LPIN2: variants seen among roughly 807,000 people sequenced by gnomAD.
The protein encoded by LPIN2 is lipin 2, also known as phosphatidate phosphatase LPIN2.
In LPIN2, 55 loss-of-function variants were observed where a neutral mutation model predicts 111.4. That is an observed-to-expected ratio of 0.49 (90% confidence interval 0.40 to 0.62). The LOEUF is 0.62. LPIN2 is among the 20% of genes least tolerant of loss of function. The pLI, the probability that LPIN2 is intolerant of heterozygous loss-of-function variation, is 0.00. For missense variants in LPIN2, 992 were observed against 1,112.1 expected (o/e 0.89, Z 1.54); for synonymous variants, 425 against 414.0 (o/e 1.03, Z -0.32).
rs1460831101 is a variant in LPIN2 at position 2,923,776 on chromosome 18, C to T, written c.2173G>A (p.Glu725Lys). The change falls in exon 16 of 20, where the codon GAG (glutamate) becomes AAG (lysine). Residue 725 changes from glutamate (E) to lysine (K), a missense_variant and splice_region_variant. Physicochemically the swap from Glu to Lys is moderately conservative, Grantham distance 56. Transcript: ENST00000677752. The part of the protein sequence containing the change: ...GIAKLYHSIN[E>K]NGYKFLYCSA... The stretch of plus-strand genomic sequence containing the variant: ...AGTTAACGTGGGGAGGGTACCTACT[C>T]ATTGATGGAATGGTAGAGCTTTGCT... 1 of 1,613,458 alleles carries T rather than the reference C, an allele frequency of 6.2e-7. No homozygotes were observed. Among genetic ancestry groups the T allele is most frequent in the South Asian group, 1.1e-5 (1 of 91,064 alleles).
chr18:2,989,221 G>A (rs1056939183), intron 1 of LPIN2, among the ~76,000 whole-genome samples: 10 of 152,074 alleles, frequency 6.6e-5, no homozygotes, highest in Non-Finnish European at 1.2e-4. Context: ...GTCTTCCACA[G>A]TACCTTCTTA....
At chr18:2,927,927 T>C (rs2077159256) in intron 11 of LPIN2, 116 bp from the exon 12 acceptor site, 1 of 847,712 alleles carries the variant, frequency 1.2e-6, no homozygotes, top group Non-Finnish European at 2.0e-6. Flanking sequence ...TGACCGATGC[T>C]CTCTTCACAC....
intron 4 of LPIN2, among the ~76,000 whole-genome samples, chr18:2,941,256 C>A (rs1329273021): frequency 6.6e-6 from 1 of 152,170 alleles, no homozygotes; most frequent in Non-Finnish European, 1.5e-5. Flanking sequence ...CCTCTTAAAA[C>A]CTTGGGACTA....
At chr18:2,985,433 C>T (rs1452649208) in intron 1 of LPIN2, 2 of 152,072 alleles carry the variant, frequency 1.3e-5, no homozygotes, top group African/African-American at 4.8e-5. Flanking sequence ...TTTTGTATAA[C>T]ATCTTCAATG....
At chr18:2,990,841 C>A in intron 1 of LPIN2, 1 of 426,942 alleles carries the variant, frequency 2.3e-6, no homozygotes, top group Non-Finnish European at 4.6e-6. Context: ...AATCTCTGTT[C>A]CCCGCCGGCA....
At chr18:2,950,035 A>T (rs2077510296) in intron 4 of LPIN2, among the ~76,000 whole-genome samples, 1 of 152,088 alleles carries the variant, frequency 6.6e-6, no homozygotes, top group African/African-American at 2.4e-5. Flanking sequence ...CGGGAGTTCA[A>T]TGTTACAGTG....
chr18:2,960,681 T>C lies in LPIN2; in HGVS notation c.160A>G (p.Lys54Glu). The C allele has an allele frequency of 6.2e-7, 1 of 1,614,068 alleles. No individual in the cohort carries two copies. Among genetic ancestry groups the C allele is most frequent in the Non-Finnish European group, 8.5e-7 (1 of 1,180,002 alleles). Reference sequence around the variant, plus strand: ...TCTTTGGATCTCAGGACTCCCAGCTTTCCAAACCGAACGTGAAAAGGTGAA... The same window carrying C: ...TCTTTGGATCTCAGGACTCCCAGCTCTCCAAACCGAACGTGAAAAGGTGAA... ...QCSPFHVRFG[K>E]LGVLRSKEKV... is the part of the protein sequence containing the mutation. The change falls in exon 2 of 20, where the codon AAG (lysine) becomes GAG (glutamate). Residue 54 changes from lysine to glutamate, a missense_variant. Physicochemically the swap from Lys to Glu is moderately conservative, Grantham distance 56. This residue lies in a region of LPIN2 where 67 missense variants were observed against 112.1 expected (regional missense o/e 0.60). Transcript: ENST00000677752.
Position 2,917,835 on chromosome 18 carries a change from G to A in LPIN2, c.*2458C>T, listed in dbSNP as rs1161179635. 6.6e-6 allele frequency: 1 copy of A among 152,144 alleles called. No individual in the cohort carries two copies. Among genetic ancestry groups the A allele is most frequent in the East Asian group, 1.9e-4 (1 of 5,196 alleles). The allele number at this position is 152,144 out of a possible 1,614,324, so 9.4% of individuals were successfully genotyped here. A position where few individuals can be genotyped will look rare whatever the true frequency, so the allele number is the denominator to read the frequency against. ...GCCATTTCACCAATGGAGTAACTGA[G>A]AGAATAATGACTTAGAGCCCAATCT... is the stretch of plus-strand genomic sequence containing the variant. On this transcript the variant is annotated 3_prime_UTR_variant, in exon 20 of 20. Coordinates refer to ENST00000677752, the MANE Select transcript of LPIN2 (RefSeq NM_001375808.2).
chr18:2,981,194 A>T (rs983200550), intron 1 of LPIN2, among the ~76,000 whole-genome samples: 5 of 152,236 alleles, frequency 3.3e-5, no homozygotes, highest in African/African-American at 1.2e-4. Flanking sequence ...GTGATTTGTA[A>T]GGAGTGTTCA....
chr18:3,010,743 T>C (rs1026893986), intron 1 of LPIN2, among the ~76,000 whole-genome samples: 1 of 152,130 alleles, frequency 6.6e-6, no homozygotes, highest in Non-Finnish European at 1.5e-5. Context: ...ATCTATCAAC[T>C]AACAAGACAA....
intron 2 of LPIN2, 102 bp downstream of exon 2, chr18:2,960,547 A>G (rs563160083): frequency 1.7e-6 from 2 of 1,178,850 alleles, no homozygotes; most frequent in African/African-American, 1.5e-5. Context: ...AACTCACAAT[A>G]GCGATTTATT....
At chr18:2,940,755 T>A in intron 4 of LPIN2, 43 bp from the exon 5 acceptor site, 1 of 1,193,904 alleles carries the variant, frequency 8.4e-7, no homozygotes, top group Non-Finnish European at 1.2e-6. Context: ...GATGACATTC[T>A]TGTCAGCTTT....
At chr18:2,937,531 G>C (rs2077302426) in intron 7 of LPIN2, among the ~76,000 whole-genome samples, 161 bp downstream of exon 7, 1 of 122,914 alleles carries the variant, frequency 8.1e-6, no homozygotes, top group Non-Finnish European at 1.6e-5. Context: ...GGTAACAAGA[G>C]CGAAACTCCA....
chr18:3,003,524 C>T (rs1316166384), intron 1 of LPIN2, among the ~76,000 whole-genome samples: 1 of 152,176 alleles, frequency 6.6e-6, no homozygotes, highest in African/African-American at 2.4e-5. Flanking sequence ...TATCAGTTCC[C>T]AAAATTAATA....
rs879048965 is a variant in LPIN2 at position 2,954,484 on chromosome 18, T to C, written c.288+20A>G. The C allele has an allele frequency of 1.9e-6, 3 of 1,568,646 alleles. No homozygotes were observed. Among genetic ancestry groups the C allele is most frequent in the Non-Finnish European group, 1.8e-6 (2 of 1,138,762 alleles). ...GCCTGAGCACACTGTGTAAGGAGGG[T>C]GTAACCCATGCAAACTTACATATTC... is the stretch of plus-strand genomic sequence containing the variant. On this transcript the variant is annotated intron_variant, in intron 3 of 19. Transcript: ENST00000677752.
intron 1 of LPIN2, among the ~76,000 whole-genome samples, chr18:2,991,394 T>G (rs2078262982): frequency 6.6e-6 from 1 of 152,220 alleles, no homozygotes; most frequent in Admixed American, 6.5e-5. Context: ...GTGTAACCAC[T>G]GTAGAAAACA....
intron 1 of LPIN2, among the ~76,000 whole-genome samples, chr18:3,005,676 T>C (rs1598616148): frequency 1.4e-5 from 2 of 146,910 alleles, no homozygotes; most frequent in Non-Finnish European, 3.0e-5. Flanking sequence ...GACACTATCT[T>C]ACACACACAC....
rs374096315 is a variant in LPIN2 at position 3,012,529 on chromosome 18, C to A, written c.-10+558G>T. ...TTGAGAAAACTAACCACATTTGAAT[C>A]CGGTCCACACAGCTTGAAGGCGGAG... On this transcript the variant is annotated intron_variant, in intron 1 of 19. Transcript: ENST00000677752. Among the ~76,000 whole-genome samples the A allele has an allele frequency of 2.6e-4, 40 of 152,336 alleles. 1 individual carries two copies. The South Asian group carries it at 8.3e-3, about 32-fold the overall frequency.
chr18:3,011,674 G>A (rs1439543511), intron 1 of LPIN2: 1 of 152,242 alleles, frequency 6.6e-6, no homozygotes. Context: ...GCGACAGAGT[G>A]AGACTCTGTC....
Sources: allele counts gnomAD v4.1 joint callset (sites outside exome capture counted in the v4.1 genomes callset), GRCh38; gene constraint gnomAD v4.1.1; regional missense constraint gnomAD v4.1.1; transcripts MANE v1.5; gene names NCBI Gene and HGNC (gene_info 2026-07-23, HGNC 2026-07-21).